CCDC158: variants seen among roughly 807,000 people sequenced by gnomAD.
The protein encoded by CCDC158 is coiled-coil domain containing 158.
Under a neutral mutation model 138.6 loss-of-function variants are expected in CCDC158, and 116 were observed. The ratio of observed to expected loss-of-function variants is 0.84; its 90% confidence interval spans 0.72 to 0.98. The LOEUF (loss-of-function observed/expected upper bound fraction) is 0.98. CCDC158 is among the 50% of genes least tolerant of loss of function. CCDC158 has a pLI of 0.00. For missense variants in CCDC158, 1,265 were observed against 1,306.1 expected (o/e 0.97, Z 0.48); for synonymous variants, 436 against 442.4 (o/e 0.99, Z 0.18).
chr4:76,323,016 C>T (rs1038500501), intron 24 of CCDC158, among the ~76,000 whole-genome samples: 4 of 151,952 alleles, frequency 2.6e-5, no homozygotes, highest in African/African-American at 9.7e-5. Flanking sequence ...TGGGAAAGTC[C>T]CATGTGACAA....
At chr4:76,404,834 G>A (rs1728687141) in intron 2 of CCDC158, among the ~76,000 whole-genome samples, 1 of 151,992 alleles carries the variant, frequency 6.6e-6, no homozygotes, top group African/African-American at 2.4e-5. Context: ...AGAACTGCCT[G>A]GGCAACAGGG....
chr4:76,341,725 C>T (rs989701278), intron 18 of CCDC158, among the ~76,000 whole-genome samples: 7 of 152,188 alleles, frequency 4.6e-5, no homozygotes, highest in Non-Finnish European at 7.3e-5. Flanking sequence ...TATGTGTGTA[C>T]ACACACAAAG....
chr4:76,333,965 C>G (rs1721229311), intron 19 of CCDC158, 45 bp downstream of exon 19: 3 of 1,428,216 alleles, frequency 2.1e-6, no homozygotes, highest in Admixed American at 4.1e-5. Context: ...AATGGCAAAC[C>G]ATTCAAGAGA....
chr4:76,379,495 A>G (rs1385826341), intron 8 of CCDC158, 91 bp from the exon 9 acceptor site: 4 of 624,526 alleles, frequency 6.4e-6, no homozygotes, highest in Non-Finnish European at 1.0e-5. Context: ...CACTACCACT[A>G]GTTATTTTAT....
intron 18 of CCDC158, chr4:76,345,539 G>A: frequency 1.0e-6 from 1 of 979,338 alleles, no homozygotes. Context: ...AACATGCCAG[G>A]AACAATGACT....
At position 76,397,966 on chromosome 4, in the gene CCDC158, A is replaced by C. The variant is rs140905437; in HGVS notation, c.71-1480T>G. ...GAAACGTTTTGATGTGTCAGAGAGCAAAAAATTGGGGCCATGCCTTTAAAA... is the reference window on the plus strand; with the variant it reads ...GAAACGTTTTGATGTGTCAGAGAGCCAAAAATTGGGGCCATGCCTTTAAAA... On this transcript the variant is annotated intron_variant, in intron 3 of 24. Coordinates refer to ENST00000682701, the MANE Select transcript of CCDC158 (RefSeq NM_001394954.1). Among the ~76,000 whole-genome samples the C allele has an allele frequency of 5.1e-4, 77 of 152,352 alleles. 1 individual carries two copies. Among genetic ancestry groups the C allele is most frequent in the African/African-American group, 1.8e-3 (73 of 41,588 alleles).
intron 22 of CCDC158, 127 bp from the exon 23 acceptor site, chr4:76,326,142 T>C (rs930610164): frequency 9.6e-6 from 7 of 730,800 alleles, no homozygotes; most frequent in Non-Finnish European, 1.6e-5. Flanking sequence ...GACATTCTTC[T>C]AAATACCCAA....
intron 18 of CCDC158, among the ~76,000 whole-genome samples, chr4:76,334,786 G>A (rs1229565170): frequency 1.3e-5 from 2 of 152,196 alleles, no homozygotes; most frequent in African/African-American, 4.8e-5. Flanking sequence ...GCACTGGTGA[G>A]CAGGTAGACT....
intron 7 of CCDC158, 56 bp from the exon 8 acceptor site, chr4:76,382,776 A>G (rs775263258): frequency 8.5e-6 from 10 of 1,172,492 alleles, no homozygotes; most frequent in Non-Finnish European, 1.2e-5. Context: ...CTGACTATGA[A>G]TTATTTTAAA....
chr4:76,328,534 T>C (rs1362641222), intron 22 of CCDC158, among the ~76,000 whole-genome samples: 3 of 152,226 alleles, frequency 2.0e-5, no homozygotes, highest in African/African-American at 7.2e-5. Context: ...TCCACTCACC[T>C]TGGCTTCTCA....
intron 20 of CCDC158, among the ~76,000 whole-genome samples, chr4:76,332,006 A>C (rs996977216): frequency 6.6e-6 from 1 of 152,190 alleles, no homozygotes; most frequent in East Asian, 1.9e-4. Context: ...TTTTTCATTT[A>C]AGAATTCAGC....
intron 8 of CCDC158, among the ~76,000 whole-genome samples, chr4:76,380,898 G>GC (rs1269995930): frequency 6.6e-6 from 1 of 152,220 alleles, no homozygotes; most frequent in Admixed American, 6.5e-5. Context: ...TCCAGCCATG[G>GC]CTAAAATGGG....
At position 76,361,890 on chromosome 4, in the gene CCDC158, C is replaced by G. The variant is rs181507843; in HGVS notation, c.2020+236G>C. Among the ~76,000 whole-genome samples the G allele has an allele frequency of 3.9e-5, 6 of 152,294 alleles. No homozygotes were observed. In the South Asian group the frequency reaches 1.0e-3, roughly 26 times the overall value. ...TCACACTTCTCTTAGAAATTCAGTA[C>G]AGAATTTCCAGTACACTGAGGGCTG... On this transcript the variant is annotated intron_variant, in intron 13 of 24. Transcript: ENST00000682701.
intron 1 of CCDC158, among the ~76,000 whole-genome samples, chr4:76,420,268 C>T (rs1156617218): frequency 6.6e-6 from 1 of 152,090 alleles, no homozygotes; most frequent in African/African-American, 2.4e-5. Flanking sequence ...CCCGCCATAC[C>T]CGGCCACAAC....
intron 12 of CCDC158, 27 bp downstream of exon 12, chr4:76,367,267 G>T: frequency 6.3e-7 from 1 of 1,589,962 alleles, no homozygotes; most frequent in Middle Eastern, 1.7e-4. Context: ...TATTTCAGAA[G>T]TTAAATCACA....
chr4:76,364,582 T>G (rs1724475340), intron 12 of CCDC158, among the ~76,000 whole-genome samples: 1 of 152,260 alleles, frequency 6.6e-6, no homozygotes, highest in African/African-American at 2.4e-5. Flanking sequence ...TTATTAAAAT[T>G]AATTTCACAT....
At chr4:76,410,680 G>A (rs1389147602) in intron 2 of CCDC158, among the ~76,000 whole-genome samples, 1 of 152,184 alleles carries the variant, frequency 6.6e-6, no homozygotes, top group African/African-American at 2.4e-5. Flanking sequence ...GGGAAATTCT[G>A]AGGTACCTCG....
chr4:76,397,715 G>GTAT, intron 3 of CCDC158, among the ~76,000 whole-genome samples: 1 of 152,312 alleles, frequency 6.6e-6, no homozygotes, highest in South Asian at 2.1e-4. Flanking sequence ...GAACTCTATG[G>GTAT]TATTGGATTT....
At chr4:76,341,998 C>G (rs990245119) in intron 18 of CCDC158, among the ~76,000 whole-genome samples, 1 of 152,060 alleles carries the variant, frequency 6.6e-6, no homozygotes, top group Non-Finnish European at 1.5e-5. Flanking sequence ...AGAAACAGTA[C>G]AGTATAATAA....
Sources: gnomAD v4.1 joint callset for allele counts (sites outside exome capture counted in the v4.1 genomes callset) on GRCh38, gnomAD v4.1.1 for gene constraint, MANE v1.5 for transcripts, NCBI Gene and HGNC (gene_info 2026-07-23, HGNC 2026-07-21) for gene names.